Variants in AGAP1 observed in about 807,000 individuals in gnomAD.
AGAP1 encodes the protein arf-GAP with GTPase, ANK repeat and PH domain-containing protein 1.
In AGAP1, 29 loss-of-function variants were observed where a neutral mutation model predicts 105.3. The observed-to-expected ratio is 0.28, with a 90% CI of 0.21 to 0.38. The LOEUF (loss-of-function observed/expected upper bound fraction) is 0.38, where lower values mean the gene tolerates loss of function less well. Among genes scored for constraint, AGAP1 ranks in the 10% least tolerant of loss-of-function variants. The pLI is 1.00. For synonymous variants in AGAP1, 509 were observed against 485.9 expected (o/e 1.05, Z -0.63); for missense variants, 998 against 1,165.1 (o/e 0.86, Z 2.09).
At chr2:235,561,950 A>T (rs559615659) in intron 1 of AGAP1, among the ~76,000 whole-genome samples, 1 of 152,204 alleles carries the variant, frequency 6.6e-6, no homozygotes, top group Non-Finnish European at 1.5e-5. Context: ...TGGCTTTTCC[A>T]TGGACTATCT....
In AGAP1 at chr2:235,703,371, C is replaced by T. The variant is rs939262549; in HGVS notation, c.164-5808C>T. On this transcript the variant is annotated intron_variant, in intron 1 of 17. Transcript: ENST00000304032. ...GTCTCTGAGCGGGAGCATCCTCCCC[C>T]GGCTGTGGCACCTGGGCAACGGGAC... Among the ~76,000 whole-genome samples the T allele has an allele frequency of 7.2e-5, 11 of 152,246 alleles. No individual in the cohort carries two copies. The East Asian group carries it at 7.8e-4, about 11-fold the overall frequency.
Position 235,740,875 on chromosome 2 carries a change from G to A in AGAP1, c.311-88G>A, listed in dbSNP as rs755338111. The stretch of plus-strand genomic sequence containing the variant: ...TGCCTCCAGGGCGACAGCCTAGGGT[G>A]TATTTTTCCACAAGCGAAGCCCACG... On this transcript the variant is annotated intron_variant, in intron 3 of 17. Coordinates refer to ENST00000304032, the MANE Select transcript of AGAP1 (RefSeq NM_001037131.3). This position sits in a 1 kb window ranked among gnomAD's most constrained non-coding sequence, Gnocchi z 5.7. 2 of 1,530,918 alleles carry A rather than the reference G, an allele frequency of 1.3e-6. No homozygotes were observed. The highest frequency in any genetic ancestry group is 1.4e-5 in the African/African-American group (1 of 73,396). The allele number at this position is 1,530,918 out of a possible 1,614,324, so 94.8% of individuals were successfully genotyped here.
chr2:235,656,438 A>T (rs1947773305), intron 1 of AGAP1, among the ~76,000 whole-genome samples: 1 of 152,130 alleles, frequency 6.6e-6, no homozygotes, highest in South Asian at 2.1e-4. Context: ...TCATAAAGCA[A>T]CATTTTTCGA....
At chr2:235,858,882 C>A (rs1038507493) in intron 9 of AGAP1, among the ~76,000 whole-genome samples, 1 of 152,100 alleles carries the variant, frequency 6.6e-6, no homozygotes, top group Non-Finnish European at 1.5e-5. Context: ...CAAATAATAC[C>A]CCTCATAAAT....
intron 2 of AGAP1, among the ~76,000 whole-genome samples, chr2:235,711,105 G>A (rs867607410): frequency 3.8e-4 from 58 of 152,330 alleles, no homozygotes; most frequent in African/African-American, 1.2e-3. Context: ...GAACTTTCTC[G>A]ACGGTAAAAA....
chr2:235,773,642 A>G (rs1266153389), intron 6 of AGAP1, among the ~76,000 whole-genome samples: 1 of 152,104 alleles, frequency 6.6e-6, no homozygotes, highest in Non-Finnish European at 1.5e-5. Flanking sequence ...CTACTACCTC[A>G]CTATAGATTC....
rs538557728 is a variant in AGAP1, at chr2:235,705,033, C to T, written c.164-4146C>T. Among the ~76,000 whole-genome samples the T allele has an allele frequency of 1.8e-4, 22 of 121,444 alleles. No individual in the cohort carries two copies. The East Asian group carries it at 5.8e-3, about 32-fold the overall frequency. The allele number at this position is 121,444 out of a possible 152,430, so 79.7% of individuals were successfully genotyped here. On this transcript the variant is annotated intron_variant, in intron 1 of 17. Transcript: ENST00000304032. The surrounding 1 kb of genome is among the most constrained non-coding windows in gnomAD (Gnocchi z 4.9). ...TCACTCTGTTGCCCAGGCTGGAGTG[C>T]AATGGTGGGATCTCGGCTCGCTGCA...
intron 6 of AGAP1, among the ~76,000 whole-genome samples, chr2:235,786,919 C>T (rs527974679): frequency 6.6e-6 from 1 of 152,336 alleles, no homozygotes; most frequent in East Asian, 1.9e-4. Context: ...ACTCTCTTCC[C>T]CGCTTGTTCT....
Position 235,976,686 on chromosome 2 carries a change from A to G in AGAP1, c.1645+8063A>G, listed in dbSNP as rs548026962. Among the ~76,000 whole-genome samples, 78 of 152,300 alleles carry G rather than the reference A, an allele frequency of 5.1e-4. No homozygotes were observed. The highest frequency in any genetic ancestry group is 1.6e-3 in the African/African-American group (66 of 41,570). On this transcript the variant is annotated intron_variant, in intron 13 of 17. Transcript: ENST00000304032. The surrounding 1 kb of genome is among the most constrained non-coding windows in gnomAD (Gnocchi z 4.5). ...AAGCGGCCCAGCCATCAGGACACACATAGACCAGTGGAGAAAGCAGAAACA... is the reference window on the plus strand; with the variant it reads ...AAGCGGCCCAGCCATCAGGACACACGTAGACCAGTGGAGAAAGCAGAAACA...
intron 9 of AGAP1, among the ~76,000 whole-genome samples, chr2:235,826,488 C>T (rs1370702105): frequency 1.3e-5 from 2 of 152,214 alleles, no homozygotes; most frequent in South Asian, 2.1e-4. Flanking sequence ...GCTGCTCTGT[C>T]ACCCAGGCTG....
chr2:235,841,778 A>G (rs1042172274), intron 9 of AGAP1, among the ~76,000 whole-genome samples: 1 of 152,202 alleles, frequency 6.6e-6, no homozygotes, highest in African/African-American at 2.4e-5. Flanking sequence ...CCTTCCAGAC[A>G]GCTCTGAGTT....
intron 1 of AGAP1, among the ~76,000 whole-genome samples, chr2:235,602,656 C>G (rs775808568): frequency 6.6e-6 from 1 of 152,172 alleles, no homozygotes; most frequent in Non-Finnish European, 1.5e-5. Flanking sequence ...CACAGTTCCT[C>G]TTATCCTGTT....
intron 9 of AGAP1, among the ~76,000 whole-genome samples, chr2:235,826,472 A>G (rs1959071096): frequency 6.6e-6 from 1 of 151,470 alleles, no homozygotes; most frequent in Admixed American, 6.6e-5. Flanking sequence ...TTGAGACAAG[A>G]GTCTTGCTGC....
intron 1 of AGAP1, among the ~76,000 whole-genome samples, chr2:235,626,383 A>T (rs758175146): frequency 4.6e-5 from 7 of 152,252 alleles, no homozygotes; most frequent in Non-Finnish European, 1.0e-4. Context: ...AATATGGCTG[A>T]CACTCTCTCC....
Position 235,931,033 on chromosome 2 carries a change from A to G in AGAP1, c.1483+110A>G. On this transcript the variant is annotated intron_variant, in intron 12 of 17. Transcript: ENST00000304032. This position sits in a 1 kb window ranked among gnomAD's most constrained non-coding sequence, Gnocchi z 5.6. The stretch of plus-strand genomic sequence containing the variant: ...TCTCATGCTCCTCTGGGAGCGCAGC[A>G]CCCTGTGGGGCGGCTGCATCAGAGA... 7.8e-7 allele frequency: 1 copy of G among 1,275,160 alleles called. No individual in the cohort carries two copies. Among genetic ancestry groups the G allele is most frequent in the Non-Finnish European group, 1.1e-6 (1 of 945,990 alleles). The allele number at this position is 1,275,160 out of a possible 1,614,324, so 79.0% of individuals were successfully genotyped here.
chr2:235,561,813 C>T (rs537522926), intron 1 of AGAP1, among the ~76,000 whole-genome samples: 5 of 152,236 alleles, frequency 3.3e-5, no homozygotes, highest in African/African-American at 7.2e-5. Flanking sequence ...GAGCCTAAGC[C>T]GCTTCTGTTT....
intron 1 of AGAP1, among the ~76,000 whole-genome samples, chr2:235,563,946 G>T (rs1258450241): frequency 1.3e-5 from 2 of 152,084 alleles, no homozygotes; most frequent in African/African-American, 4.8e-5. Flanking sequence ...AAGCTGGGTG[G>T]GGGGTGTGGA....
Position 235,929,183 on chromosome 2 carries a change from T to C in AGAP1, c.1325-1582T>C, listed in dbSNP as rs189932491. Among the ~76,000 whole-genome samples the C allele has an allele frequency of 9.2e-5, 14 of 152,212 alleles. No homozygotes were observed. The East Asian group carries it at 2.5e-3, about 27-fold the overall frequency. On this transcript the variant is annotated intron_variant, in intron 11 of 17. Transcript: ENST00000304032. ...TGCCAGTGGTCTGCCGTGGTGGAGT[T>C]TTGATTGTGATTTTTTGTTTTATGG... is the stretch of plus-strand genomic sequence containing the variant.
intron 13 of AGAP1, among the ~76,000 whole-genome samples, chr2:236,034,172 TAGGACTTAAAAGCCCATGGATCA>T (rs2057309225): frequency 1.3e-5 from 2 of 152,190 alleles, no homozygotes; most frequent in East Asian, 3.9e-4. Flanking sequence ...ATCATAGTAC[TAGGACTTAAAAGCCCATGGATCA>T]AGAAGCTGGA....
Sources: allele counts gnomAD v4.1 joint callset (sites outside exome capture counted in the v4.1 genomes callset), GRCh38; gene constraint gnomAD v4.1.1; non-coding constraint Gnocchi (gnomAD v3.1); transcripts MANE v1.5; gene names NCBI Gene and HGNC (gene_info 2026-07-23, HGNC 2026-07-21).